The following STK11 variants were observed in gnomAD, a reference collection of about 807,000 sequenced individuals.
STK11 encodes the protein serine/threonine kinase 11, also known as serine/threonine-protein kinase STK11.
In STK11, 8 loss-of-function variants were observed where a neutral mutation model predicts 47.3. The ratio of observed to expected loss-of-function variants is 0.17; its 90% CI spans 0.10 to 0.31. STK11 has a LOEUF of 0.31. Ranked by LOEUF, STK11 falls within the 10% of genes least tolerant of loss-of-function variation. The probability of loss-of-function intolerance (pLI) is 1.00; values close to 1 mark genes in which losing one functional copy is unlikely to be tolerated. For synonymous variants in STK11, 330 were observed against 255.8 expected (o/e 1.29, Z -2.77); for missense variants, 475 against 605.0 (o/e 0.79, Z 2.25).
Position 1,219,360 on chromosome 19 carries a change from G to A in STK11, c.411G>A (p.Gln137=), listed in dbSNP as rs1313947771. 1.3e-6 allele frequency: 2 copies of A among 1,598,712 alleles called. No homozygotes were observed. Among genetic ancestry groups the A allele is most frequent in the Non-Finnish European group, 1.7e-6 (2 of 1,173,432 alleles). The change falls in exon 3 of 10, where the codon CAG becomes CAA. Residue 137 remains glutamine (Q), a synonymous_variant. Transcript: ENST00000326873. ...TGGAGTACTGCGTGTGTGGCATGCA[G>A]GAAATGCTGGACAGCGTGCCGGAGA... ...MVMEYCVCGM[Q]EMLDSVPEKR... is the part of the protein sequence containing the mutation.
At position 1,225,780 on chromosome 19, in the gene STK11, C is replaced by G. The variant is rs569801261; in HGVS notation, c.1109-674C>G. On this transcript the variant is annotated intron_variant, in intron 8 of 9. Transcript: ENST00000326873. ...TCGGCAGCCAGTGTGTTCGCGGAGT[C>G]CTCGCCAACCACCACGGCTCCTCGC... 70 of 985,574 alleles carry G rather than the reference C, an allele frequency of 7.1e-5. No homozygotes were observed. In the South Asian group the frequency reaches 2.9e-3, roughly 40 times the overall value. The allele number at this position is 985,574 out of a possible 1,614,324, so 61.1% of individuals were successfully genotyped here.
chr19:1,226,811 G>A (rs980821820), intron 9 of STK11, 148 bp downstream of exon 9: 40 of 997,280 alleles, frequency 4.0e-5, no homozygotes, highest in Non-Finnish European at 4.8e-5. Flanking sequence ...GCTTGGCCAC[G>A]TAGCGATCCC....
Position 1,206,996 on chromosome 19 carries a change from G to A in STK11, c.83G>A (p.Arg28His), listed in dbSNP as rs1331020864. The A allele has an allele frequency of 1.2e-6, 2 of 1,613,236 alleles. No homozygotes were observed. Among genetic ancestry groups the A allele is most frequent in the Admixed American group, 1.7e-5 (1 of 59,954 alleles). Residue 28 changes from arginine (R) to histidine (H), a missense_variant, in exon 1 of 10, where the codon CGC becomes CAC. Physicochemically the swap from Arg to His is conservative, Grantham distance 29. This residue lies in a region of STK11 where 47 missense variants were observed against 103.7 expected (regional missense o/e 0.45). Transcript: ENST00000326873. ...GTGGGTATGGACACGTTCATCCACC[G>A]CATCGACTCCACCGAGGTCATCTAC... ...MSVGMDTFIHRIDSTEVIYQP... is the reference protein window; with the variant it reads ...MSVGMDTFIHHIDSTEVIYQP...
At chr19:1,212,990 CTTTTTTTTTTTT>C (rs35169539) in intron 1 of STK11, among the ~76,000 whole-genome samples, 7 of 94,752 alleles carry the variant, frequency 7.4e-5, no homozygotes, top group African/African-American at 2.4e-4. Flanking sequence ...TAAAGTTCAC[CTTTTTTTTTTTT>C]TTTTTTTTTT....
chr19:1,211,517 TGA>T (rs1339529234), intron 1 of STK11, among the ~76,000 whole-genome samples: 1 of 151,732 alleles, frequency 6.6e-6, no homozygotes, highest in Non-Finnish European at 1.5e-5. Flanking sequence ...TCCACCCCAG[TGA>T]GAGTGGGCTC....
chr19:1,220,106 G>A, intron 3 of STK11: 1 of 458,058 alleles, frequency 2.2e-6, no homozygotes, highest in Non-Finnish European at 3.9e-6. Flanking sequence ...AGACTTTGGG[G>A]TGCAGCCGGC....
At chr19:1,210,929 G>A (rs750883958) in intron 1 of STK11, among the ~76,000 whole-genome samples, 10 of 151,810 alleles carry the variant, frequency 6.6e-5, no homozygotes, top group Admixed American at 2.0e-4. Flanking sequence ...TTGGGAGGCC[G>A]AGGCGGTTTG....
intron 8 of STK11, 26 bp downstream of exon 8, chr19:1,223,198 G>A (rs771940170): frequency 3.8e-6 from 6 of 1,596,786 alleles, no homozygotes; most frequent in East Asian, 4.5e-5. Context: ...GCCCCTGCCC[G>A]GCTCTGCTGA....
intron 1 of STK11, among the ~76,000 whole-genome samples, chr19:1,216,085 AG>A (rs2080743075): frequency 6.6e-6 from 1 of 152,092 alleles, no homozygotes; most frequent in East Asian, 1.9e-4. Flanking sequence ...GAATTAAAAA[AG>A]AAAAAAAAAA....
chr19:1,208,813 G>A (rs946151354), intron 1 of STK11, among the ~76,000 whole-genome samples: 28 of 148,610 alleles, frequency 1.9e-4, no homozygotes, highest in African/African-American at 6.5e-4. Flanking sequence ...AGTAGAGACG[G>A]GGTTTCACCA....
At chr19:1,212,456 T>C (rs573167694) in intron 1 of STK11, among the ~76,000 whole-genome samples, 6 of 152,100 alleles carry the variant, frequency 3.9e-5, no homozygotes, top group Non-Finnish European at 8.8e-5. Context: ...TTCGCCATGT[T>C]GTCCAGGCTG....
rs1275874463 is a variant in STK11 at position 1,227,719 on chromosome 19, C to T, written c.*143C>T. ...ACCACGCCCCAGGACCTCCGGAGCG[C>T]CCTGCAGGGCCGGGCAGGGGGACAG... On this transcript the variant is annotated 3_prime_UTR_variant, in exon 10 of 10. Transcript: ENST00000326873. The T allele has an allele frequency of 5.6e-6, 6 of 1,070,962 alleles. No individual in the cohort carries two copies. Among genetic ancestry groups the T allele is most frequent in the African/African-American group, 1.6e-5 (1 of 61,120 alleles). 66.3% of individuals were successfully genotyped at this position (1,070,962 alleles called of 1,614,324 possible).
chr19:1,226,725 C>G, intron 9 of STK11, 62 bp downstream of exon 9: 4 of 1,434,308 alleles, frequency 2.8e-6, no homozygotes, highest in South Asian at 3.0e-5. Context: ...CACAGCCAGC[C>G]GTGAGCATAG....
chr19:1,214,802 G>T (rs79906468), intron 1 of STK11, among the ~76,000 whole-genome samples: 8,221 of 152,250 alleles, frequency 0.054, 245 homozygotes, highest in East Asian at 0.14. Flanking sequence ...GGCTCCCTCA[G>T]CTCCACTGAG....
intron 1 of STK11, among the ~76,000 whole-genome samples, chr19:1,214,624 G>C (rs771350345): frequency 1.3e-5 from 2 of 152,184 alleles, no homozygotes; most frequent in African/African-American, 2.4e-5. Flanking sequence ...GGGCCGTGCA[G>C]CCTCCCGAGC....
chr19:1,215,358 C>G (rs763562665), intron 1 of STK11, among the ~76,000 whole-genome samples: 2 of 152,238 alleles, frequency 1.3e-5, no homozygotes, highest in African/African-American at 4.8e-5. Context: ...CTGCGGTGAC[C>G]AGTGGAAGTG....
chr19:1,218,087 T>C (rs1357075050), intron 1 of STK11, among the ~76,000 whole-genome samples: 1 of 151,430 alleles, frequency 6.6e-6, no homozygotes, highest in Non-Finnish European at 1.5e-5. Flanking sequence ...GAGGTTGCAG[T>C]GAGCTGAGAT....
intron 8 of STK11, chr19:1,224,612 G>T (rs1405497397): frequency 1.0e-6 from 1 of 985,584 alleles, no homozygotes; most frequent in African/African-American, 1.7e-5. Context: ...TGCAGGCCAG[G>T]ATCCCTGAGC....
chr19:1,211,352 G>A (rs933909199), intron 1 of STK11, among the ~76,000 whole-genome samples: 6 of 152,120 alleles, frequency 3.9e-5, no homozygotes, highest in Admixed American at 1.3e-4. Flanking sequence ...GGGTTCCTAG[G>A]GTGGAGCAGG....
Sources: gnomAD v4.1 joint callset for allele counts (sites outside exome capture counted in the v4.1 genomes callset) on GRCh38, gnomAD v4.1.1 for gene constraint, gnomAD v4.1.1 regional missense constraint, MANE v1.5 for transcripts, NCBI Gene and HGNC (gene_info 2026-07-23, HGNC 2026-07-21) for gene names.